Variants in CMC2 observed in about 807,000 individuals in gnomAD.
CMC2 encodes C-X9-C motif containing 2, also known as COX assembly mitochondrial protein 2 homolog.
Under a neutral mutation model 7.5 loss-of-function variants are expected in CMC2, and 5 were observed. The ratio of observed to expected loss-of-function variants is 0.66; its 90% CI spans 0.35 to 1.40. CMC2 has a LOEUF of 1.40. CMC2 is among the 40% of genes most tolerant of loss of function. The probability of loss-of-function intolerance (pLI) is 0.04; values close to 1 mark genes in which losing one functional copy is unlikely to be tolerated. For missense variants in CMC2, 115 were observed against 92.3 expected, an observed-to-expected ratio of 1.25 and a Z score of -1.01; for synonymous variants, 37 against 31.4, an observed-to-expected ratio of 1.18 and a Z score of -0.60.
intron 2 of CMC2, among the ~76,000 whole-genome samples, chr16:80,987,591 G>A (rs555640714): frequency 3.0e-4 from 46 of 152,298 alleles, no homozygotes; most frequent in Middle Eastern, 6.8e-3. Context: ...AAATAGGCCA[G>A]TAGATCAGAA....
chr16:81,003,934 T>TA (rs1969043650), intron 1 of CMC2, among the ~76,000 whole-genome samples: 1 of 152,204 alleles, frequency 6.6e-6, no homozygotes, highest in Non-Finnish European at 1.5e-5. Context: ...TAAAATAACT[T>TA]ATGTGAGGCT....
At chr16:80,978,172 G>C in intron 3 of CMC2, 1 of 674,618 alleles carries the variant, frequency 1.5e-6, no homozygotes, top group Non-Finnish European at 1.9e-6. Context: ...AATTGTTGGG[G>C]AAAAAATCAA....
rs373367004 is a variant in CMC2, at chr16:80,971,589, TG to T, written c.*4503del. 53 of 127,406 alleles carry T rather than the reference TG, an allele frequency of 4.2e-4. 1 individual carries two copies. Among genetic ancestry groups the T allele is most frequent in the African/African-American group, 1.4e-3 (39 of 27,218 alleles). 7.9% of individuals were successfully genotyped at this position (127,406 alleles called of 1,614,324 possible). ...TTATATATATATATATATATATGTATGAAATCATGCATATATATATATGTAT... is the reference window on the plus strand; with the variant it reads ...TTATATATATATATATATATATGTATAAATCATGCATATATATATATGTAT... On this transcript the variant is annotated 3_prime_UTR_variant, in exon 4 of 4. Transcript: ENST00000219400.
intron 1 of CMC2, among the ~76,000 whole-genome samples, chr16:81,004,974 G>T (rs1969148408): frequency 1.3e-5 from 2 of 152,212 alleles, no homozygotes; most frequent in African/African-American, 2.4e-5. Context: ...TCTTTAGAAA[G>T]ATTTTCCTAT....
chr16:80,981,999 T>C (rs1967155266), intron 2 of CMC2, 122 bp from the exon 3 acceptor site: 6 of 589,468 alleles, frequency 1.0e-5, no homozygotes, highest in South Asian at 7.1e-5. Flanking sequence ...AAACAAGTAA[T>C]AGTTAAATCA....
In CMC2 at chr16:80,973,374, T is replaced by A. The variant is rs1318032527; in HGVS notation, c.*2719A>T. On this transcript the variant is annotated 3_prime_UTR_variant, in exon 4 of 4. Transcript: ENST00000219400. Reference sequence around the variant, plus strand: ...GAGGAAGTGTTTCCAATACCCCAATTTGGGTGCACTTGAGAGAAAAACAAT... The same window carrying A: ...GAGGAAGTGTTTCCAATACCCCAATATGGGTGCACTTGAGAGAAAAACAAT... The A allele has an allele frequency of 1.3e-5, 2 of 152,082 alleles. No homozygotes were observed. Among genetic ancestry groups the A allele is most frequent in the African/African-American group, 4.8e-5 (2 of 41,410 alleles). 9.4% of individuals were successfully genotyped at this position (152,082 alleles called of 1,614,324 possible). A position where few individuals can be genotyped will look rare whatever the true frequency, so the allele number is the denominator to read the frequency against.
Position 80,976,158 on chromosome 16 carries a change from T to C in CMC2, c.175A>G (p.Ser59Gly). The C allele has an allele frequency of 6.2e-7, 1 of 1,604,788 alleles. No individual in the cohort carries two copies. The change falls in exon 4 of 4, where the codon AGC becomes GGC. Residue 59 changes from serine (S) to glycine (G), a missense_variant. Ser to Gly is a moderately conservative substitution (Grantham distance 56, BLOSUM62 0). Coordinates refer to ENST00000219400, the MANE Select transcript of CMC2 (RefSeq NM_020188.5). ...CGCATTGCAATGCCATGCTCCCTGC[T>C]CTTGGTCCTGTTTTCTACGTACTGA... ...KNEYVENRTKSREHGIAMRKK... is the reference protein window; with the variant it reads ...KNEYVENRTKGREHGIAMRKK...
chr16:80,991,341 G>C (rs1371937125), intron 2 of CMC2, among the ~76,000 whole-genome samples: 1 of 151,964 alleles, frequency 6.6e-6, no homozygotes, highest in East Asian at 1.9e-4. Flanking sequence ...TAACTTCAAA[G>C]CAGAGAAACC....
At chr16:80,988,735 A>C in intron 2 of CMC2, 1 of 528,162 alleles carries the variant, frequency 1.9e-6, no homozygotes, top group Non-Finnish European at 3.3e-6. Context: ...TGCAAAAGGC[A>C]AAAAAAGTTG....
chr16:80,988,509 A>C, intron 2 of CMC2: 1 of 693,768 alleles, frequency 1.4e-6, no homozygotes, highest in Non-Finnish European at 2.6e-6. Context: ...GTAACATTTC[A>C]CCAAATTTGC....
chr16:80,994,919 G>A (rs985515658), intron 2 of CMC2, among the ~76,000 whole-genome samples: 15 of 152,148 alleles, frequency 9.9e-5, no homozygotes, highest in African/African-American at 3.6e-4. Context: ...GCCATGGCAG[G>A]TGGATCACCT....
chr16:80,971,851 G>A lies in CMC2; in HGVS notation c.*4242C>T, dbSNP rs939706507. The A allele has an allele frequency of 6.6e-6, 1 of 151,996 alleles. No individual in the cohort carries two copies. The highest frequency in any genetic ancestry group is 2.4e-5 in the African/African-American group (1 of 41,332). The allele number at this position is 151,996 out of a possible 1,614,324, so 9.4% of individuals were successfully genotyped here. A position where few individuals can be genotyped will look rare whatever the true frequency, so the allele number is the denominator to read the frequency against. ...AAACATTTTGTCATAAAAAAGAATAGCATTAATACCACAAAAAAGGTCCTT... is the reference window on the plus strand; with the variant it reads ...AAACATTTTGTCATAAAAAAGAATAACATTAATACCACAAAAAAGGTCCTT... On this transcript the variant is annotated 3_prime_UTR_variant, in exon 4 of 4. Coordinates refer to ENST00000219400, the MANE Select transcript of CMC2 (RefSeq NM_020188.5).
At chr16:80,980,214 T>C (rs903000409) in intron 3 of CMC2, among the ~76,000 whole-genome samples, 1 of 152,208 alleles carries the variant, frequency 6.6e-6, no homozygotes, top group Non-Finnish European at 1.5e-5. Context: ...GCTCACAAGT[T>C]TACTATTAAA....
At position 80,978,746 on chromosome 16, in the gene CMC2, C is replaced by T. The variant is rs555814822; in HGVS notation, c.154-2567G>A. 3.3e-5 allele frequency among the ~76,000 whole-genome samples: 5 copies of T among 151,972 alleles called. No homozygotes were observed. The South Asian group carries it at 6.3e-4, about 19-fold the overall frequency. ...AAAAAGAATAAAAGGAGTGACACAG[C>T]GGAGTCCCAACAAGAAATGGCCATA... On this transcript the variant is annotated intron_variant, in intron 3 of 3. Transcript: ENST00000219400.
chr16:81,003,867 CTCTTCCATAAAATGGA>C (rs1163624676), intron 1 of CMC2, among the ~76,000 whole-genome samples: 1 of 152,208 alleles, frequency 6.6e-6, no homozygotes, highest in Non-Finnish European at 1.5e-5. Flanking sequence ...ACCTAAGTCT[CTCTTCCATAAAATGGA>C]ATTTGCTCTT....
rs746391456 is a variant in CMC2 at position 80,997,355 on chromosome 16, A to G, written c.40T>C (p.Cys14Arg). The G allele has an allele frequency of 1.5e-5, 24 of 1,612,206 alleles. No individual in the cohort carries two copies. In the South Asian group the frequency reaches 2.0e-4, roughly 13 times the overall value. ...TTAAGCAAGTTAATCAAGACGTTGC[A>G]TTCTTCAGTGTGCAAGTGTGGAGAT... is the stretch of plus-strand genomic sequence containing the variant. Reference protein sequence around the residue: ...DLSPHLHTEECNVLINLLKEC... With the variant: ...DLSPHLHTEERNVLINLLKEC... The change falls in exon 2 of 4, where the codon TGC becomes CGC. Residue 14 changes from cysteine to arginine, a missense_variant. Physicochemically the swap from Cys to Arg is radical, Grantham distance 180. Transcript: ENST00000219400.
rs1433704965 is a variant in CMC2, at chr16:80,967,756, T to A, written c.*8337A>T. The A allele has an allele frequency of 6.6e-6, 1 of 152,220 alleles. No homozygotes were observed. Among genetic ancestry groups the A allele is most frequent in the Non-Finnish European group, 1.5e-5 (1 of 68,034 alleles). The allele number at this position is 152,220 out of a possible 1,614,324, so 9.4% of individuals were successfully genotyped here. On this transcript the variant is annotated 3_prime_UTR_variant, in exon 4 of 4. Coordinates refer to ENST00000219400, the MANE Select transcript of CMC2 (RefSeq NM_020188.5). ...AATACTCCAGTGAAAAATAGCCAGG[T>A]CTAAATTTCTGTATGCAGAATTGCA...
rs1319402914 is a variant in CMC2, at chr16:80,974,851, T to C, written c.*1242A>G. 6.6e-6 allele frequency: 1 copy of C among 152,258 alleles called. No individual in the cohort carries two copies. Among genetic ancestry groups the C allele is most frequent in the Non-Finnish European group, 1.5e-5 (1 of 68,038 alleles). The allele number at this position is 152,258 out of a possible 1,614,324, so 9.4% of individuals were successfully genotyped here. A position where few individuals can be genotyped will look rare whatever the true frequency, so the allele number is the denominator to read the frequency against. Reference sequence around the variant, plus strand: ...AGAATTAATTCTGGTTCTTTCCCCATCCTTTCACTGAATGTCTGTTATGCT... The same window carrying C: ...AGAATTAATTCTGGTTCTTTCCCCACCCTTTCACTGAATGTCTGTTATGCT... On this transcript the variant is annotated 3_prime_UTR_variant, in exon 4 of 4. Coordinates refer to ENST00000219400, the MANE Select transcript of CMC2 (RefSeq NM_020188.5).
chr16:81,004,588 T>C (rs1009864656), intron 1 of CMC2, among the ~76,000 whole-genome samples: 3 of 152,224 alleles, frequency 2.0e-5, no homozygotes, highest in Admixed American at 6.5e-5. Context: ...AACAGTCCAC[T>C]GAAATTCCTT....
Sources: allele counts gnomAD v4.1 joint callset (sites outside exome capture counted in the v4.1 genomes callset), GRCh38; gene constraint gnomAD v4.1.1; transcripts MANE v1.5; gene names NCBI Gene and HGNC (gene_info 2026-07-23, HGNC 2026-07-21).